The following ANKRD31 variants were observed in gnomAD, a reference collection of about 807,000 sequenced individuals.
The protein encoded by ANKRD31 is ankyrin repeat domain-containing protein 31.
Under a neutral mutation model 186.0 loss-of-function variants are expected in ANKRD31, and 147 were observed. The ratio of observed to expected loss-of-function variants is 0.79; its 90% CI spans 0.69 to 0.91. The LOEUF (loss-of-function observed/expected upper bound fraction) is 0.91. Ranked by LOEUF, ANKRD31 falls within the 40% of genes least tolerant of loss-of-function variation. The probability of loss-of-function intolerance (pLI) is 0.00; values close to 1 mark genes in which losing one functional copy is unlikely to be tolerated. For missense variants in ANKRD31, 1,986 were observed against 2,148.8 expected (o/e 0.92, Z 1.50); for synonymous variants, 673 against 736.4 (o/e 0.91, Z 1.39).
chr5:75,170,547 G>T (rs1753238634), intron 10 of ANKRD31, among the ~76,000 whole-genome samples: 1 of 152,106 alleles, frequency 6.6e-6, no homozygotes, highest in Admixed American at 6.6e-5. Flanking sequence ...TACATGTGCA[G>T]ATTTTTTAAA....
intron 5 of ANKRD31, among the ~76,000 whole-genome samples, chr5:75,205,620 C>T (rs527972917): frequency 5.3e-5 from 8 of 152,226 alleles, no homozygotes; most frequent in Admixed American, 1.3e-4. Flanking sequence ...TTAAAGTATA[C>T]GTAAGAGCTG....
Position 75,105,019 on chromosome 5 carries a change from C to T in ANKRD31, c.4540G>A (p.Asp1514Asn), listed in dbSNP as rs994052265. ...TCCAGACTAGTGAGCTCTTGGCTGT[C>T]TTTTTCACTAGAGATTTCTGATCTG... ...PPRSEISSEKDSQELTSLENL... is the reference protein window; with the variant it reads ...PPRSEISSEKNSQELTSLENL... The change falls in exon 22 of 26, where the codon GAC becomes AAC. Residue 1514 changes from aspartate to asparagine, a missense_variant. Physicochemically the swap from Asp to Asn is conservative, Grantham distance 23. Coordinates refer to ENST00000506364, the MANE Select transcript of ANKRD31 (RefSeq NM_001372053.1). 2.6e-6 allele frequency: 4 copies of T among 1,536,590 alleles called. No homozygotes were observed. The African/African-American group carries it at 4.1e-5, about 16-fold the overall frequency.
At chr5:75,223,679 T>C (rs1008931762) in intron 2 of ANKRD31, among the ~76,000 whole-genome samples, 1 of 152,154 alleles carries the variant, frequency 6.6e-6, no homozygotes, top group East Asian at 1.9e-4. Context: ...AAACAGCTTG[T>C]TATCGACTGA....
At position 75,118,307 on chromosome 5, in the gene ANKRD31, A is replaced by AT; in HGVS notation, c.3877-11dup. 1 of 1,463,108 alleles carries AT rather than the reference A, an allele frequency of 6.8e-7. No individual in the cohort carries two copies. Among genetic ancestry groups the AT allele is most frequent in the Non-Finnish European group, 8.9e-7 (1 of 1,118,326 alleles). The allele number at this position is 1,463,108 out of a possible 1,614,324, so 90.6% of individuals were successfully genotyped here. A position where few individuals can be genotyped will look rare whatever the true frequency, so the allele number is the denominator to read the frequency against. ...GTAGAATCTCAGCTGCCTACAAAGT[A>AT]TTTTTTCAAAGTTATCTCTACAGAC... On this transcript the variant is annotated splice_polypyrimidine_tract_variant and intron_variant, in intron 17 of 25. Coordinates refer to ENST00000506364, the MANE Select transcript of ANKRD31 (RefSeq NM_001372053.1).
Position 75,116,675 on chromosome 5 carries a change from A to G in ANKRD31, c.4046T>C (p.Ile1349Thr). 5 of 1,399,332 alleles carry G rather than the reference A, an allele frequency of 3.6e-6. No homozygotes were observed. The highest frequency in any genetic ancestry group is 4.7e-6 in the Non-Finnish European group (5 of 1,071,414). The allele number at this position is 1,399,332 out of a possible 1,614,324, so 86.7% of individuals were successfully genotyped here. A position where few individuals can be genotyped will look rare whatever the true frequency, so the allele number is the denominator to read the frequency against. Residue 1349 changes from isoleucine to threonine, a missense_variant, in exon 19 of 26, where the codon ATT (isoleucine) becomes ACT (threonine). Ile to Thr is a moderately conservative substitution (Grantham distance 89, BLOSUM62 -1). Coordinates refer to ENST00000506364, the MANE Select transcript of ANKRD31 (RefSeq NM_001372053.1). ...ATGTCTTTTAGACCGGACAGCAGGA[A>G]TTTTTTCTTTAAAAAGTAAAATTAG... Reference protein sequence around the residue: ...DESDAIVNEKIPAVRSKRHKQ... With the variant: ...DESDAIVNEKTPAVRSKRHKQ...
intron 22 of ANKRD31, among the ~76,000 whole-genome samples, chr5:75,101,571 G>T (rs1345690586): frequency 6.6e-6 from 1 of 152,144 alleles, no homozygotes; most frequent in Non-Finnish European, 1.5e-5. Context: ...ACACCAATTA[G>T]ATGCAGATTT....
chr5:75,085,626 T>C (rs1238386693), intron 23 of ANKRD31, among the ~76,000 whole-genome samples: 2 of 152,136 alleles, frequency 1.3e-5, no homozygotes, highest in African/African-American at 2.4e-5. Context: ...GGTCTCGAAC[T>C]CCTGACCTCA....
intron 3 of ANKRD31, among the ~76,000 whole-genome samples, chr5:75,214,519 C>T (rs1462634073): frequency 2.6e-5 from 4 of 152,166 alleles, no homozygotes; most frequent in African/African-American, 9.7e-5. Flanking sequence ...GAGAATGCTA[C>T]CTGCCCACGG....
intron 8 of ANKRD31, 46 bp from the exon 9 acceptor site, chr5:75,192,822 A>C (rs748112776): frequency 2.0e-5 from 27 of 1,351,926 alleles, no homozygotes; most frequent in Non-Finnish European, 2.4e-5. Context: ...GGTTTTTGCA[A>C]ACATTCACAG....
chr5:75,082,723 A>G (rs145028151), intron 24 of ANKRD31, among the ~76,000 whole-genome samples: 1 of 152,308 alleles, frequency 6.6e-6, no homozygotes, highest in East Asian at 1.9e-4. Flanking sequence ...TTCCTTTTAT[A>G]TGATACTTAA....
chr5:75,145,998 G>T lies in ANKRD31; in HGVS notation c.3413C>A (p.Ser1138Tyr), dbSNP rs1751402620. 4.0e-6 allele frequency: 6 copies of T among 1,483,442 alleles called. No homozygotes were observed. In the East Asian group the frequency reaches 1.2e-4, roughly 31 times the overall value. 91.9% of individuals were successfully genotyped at this position (1,483,442 alleles called of 1,614,324 possible). The change falls in exon 14 of 26, where the codon TCT (serine) becomes TAT (tyrosine). Residue 1138 changes from serine (S) to tyrosine (Y), a missense_variant. Ser to Tyr is a moderately radical substitution (Grantham distance 144). Transcript: ENST00000506364. Reference protein sequence around the residue: ...KLSQREKKEISHKPDEELTNN... With the variant: ...KLSQREKKEIYHKPDEELTNN... ...AATATTACTAATACCTGGTTTGTGAGAAATTTCCTTCTTTTCTCTTTGACT... is the reference window on the plus strand; with the variant it reads ...AATATTACTAATACCTGGTTTGTGATAAATTTCCTTCTTTTCTCTTTGACT...
intron 19 of ANKRD31, among the ~76,000 whole-genome samples, chr5:75,116,355 C>T (rs10942731): frequency 0.11 from 16,067 of 151,560 alleles, 875 homozygotes; most frequent in East Asian, 0.14. Context: ...CACATGTATA[C>T]ATATGTAACT....
chr5:75,201,386 A>C (rs1755814966), intron 5 of ANKRD31, among the ~76,000 whole-genome samples: 1 of 152,228 alleles, frequency 6.6e-6, no homozygotes, highest in African/African-American at 2.4e-5. Flanking sequence ...TTAACATTTT[A>C]TATCTCTACT....
chr5:75,226,137 C>T (rs1580595986), intron 2 of ANKRD31, among the ~76,000 whole-genome samples: 3 of 152,184 alleles, frequency 2.0e-5, no homozygotes, highest in African/African-American at 7.2e-5. Context: ...CCAGCTCAGC[C>T]ACAGTAGAAT....
chr5:75,078,693 A>G (rs1744850560), intron 25 of ANKRD31, among the ~76,000 whole-genome samples: 1 of 152,224 alleles, frequency 6.6e-6, no homozygotes, highest in Non-Finnish European at 1.5e-5. Context: ...ATCTTAACAG[A>G]ATTAAAAAAG....
chr5:75,103,899 C>T (rs1747116147), intron 22 of ANKRD31, among the ~76,000 whole-genome samples: 1 of 152,152 alleles, frequency 6.6e-6, no homozygotes, highest in African/African-American at 2.4e-5. Context: ...CTAATGCATG[C>T]TGGGCTTAAT....
rs530301594 is a variant in ANKRD31, at chr5:75,105,124, G to GT, written c.4434dup (p.Gln1479ThrfsTer12). The GT allele has an allele frequency of 1.5e-4, 223 of 1,536,628 alleles. No homozygotes were observed. Among genetic ancestry groups the GT allele is most frequent in the Middle Eastern group, 3.3e-4 (2 of 5,984 alleles). ...TGAATTTTCAGGCTTATTTTTTTCT[G>GT]TTTTTTTGCCACAACTAAAAGGCTC... is the stretch of plus-strand genomic sequence containing the variant. On this transcript the variant is annotated frameshift_variant, in exon 22 of 26. Coordinates refer to ENST00000506364, the MANE Select transcript of ANKRD31 (RefSeq NM_001372053.1). LOFTEE classifies it high-confidence loss of function.
chr5:75,219,935 A>C (rs566594340), intron 3 of ANKRD31, among the ~76,000 whole-genome samples: 103 of 152,356 alleles, frequency 6.8e-4, no homozygotes, highest in African/African-American at 2.4e-3. Context: ...CTGGCTAGCT[A>C]TATACAGAAG....
At chr5:75,097,306 T>A (rs974761653) in intron 22 of ANKRD31, among the ~76,000 whole-genome samples, 1 of 152,196 alleles carries the variant, frequency 6.6e-6, no homozygotes, top group Non-Finnish European at 1.5e-5. Flanking sequence ...TTTCTCCACA[T>A]CCTCTCCAGC....
Sources: gnomAD v4.1 joint callset for allele counts (sites outside exome capture counted in the v4.1 genomes callset) on GRCh38, gnomAD v4.1.1 for gene constraint, MANE v1.5 for transcripts, NCBI Gene and HGNC (gene_info 2026-07-23, HGNC 2026-07-21) for gene names.